NELL2: variants seen among roughly 807,000 people sequenced by gnomAD.
The protein encoded by NELL2 is neural EGFL like 2.
Under a neutral mutation model 109.6 loss-of-function variants are expected in NELL2, and 41 were observed. The ratio of observed to expected loss-of-function variants is 0.37; its 90% CI spans 0.29 to 0.49. The LOEUF is 0.49. Ranked by LOEUF, NELL2 falls within the 20% of genes least tolerant of loss-of-function variation. The pLI is 0.98. For synonymous variants in NELL2, 355 were observed against 344.7 expected (o/e 1.03, Z -0.33); for missense variants, 900 against 1,008.3 (o/e 0.89, Z 1.45).
At chr12:44,691,896 G>C (rs1039620698) in intron 12 of NELL2, among the ~76,000 whole-genome samples, 2 of 152,116 alleles carry the variant, frequency 1.3e-5, no homozygotes, top group Admixed American at 1.3e-4. Context: ...GGCTCATTAT[G>C]TTTAAGGAAA....
At chr12:44,815,793 AT>A (rs1943325606) in intron 3 of NELL2, 192 bp downstream of exon 3, 1 of 496,862 alleles carries the variant, frequency 2.0e-6, no homozygotes, top group African/African-American at 2.0e-5. Flanking sequence ...TAATTTTTGT[AT>A]TTTTAGAAGA....
Position 44,711,406 on chromosome 12 carries a change from CA to C in NELL2, c.1087-13del, listed in dbSNP as rs1440064592. 5.0e-6 allele frequency: 8 copies of C among 1,604,218 alleles called. No individual in the cohort carries two copies. Among genetic ancestry groups the C allele is most frequent in the Non-Finnish European group, 6.8e-6 (8 of 1,171,830 alleles). Reference sequence around the variant, plus strand: ...TTCATGGTCTGGTCCTGTTAGACAACAGAAAAGAAGTGCTTCAAATTTTATC... The same window carrying C: ...TTCATGGTCTGGTCCTGTTAGACAACGAAAAGAAGTGCTTCAAATTTTATC... On this transcript the variant is annotated splice_polypyrimidine_tract_variant and intron_variant, in intron 10 of 19. Transcript: ENST00000429094.
intron 13 of NELL2, among the ~76,000 whole-genome samples, chr12:44,639,545 T>G (rs963524489): frequency 6.6e-6 from 1 of 151,890 alleles, no homozygotes; most frequent in African/African-American, 2.4e-5. Flanking sequence ...TACTCAGCAG[T>G]TCAATCTAGA....
chr12:44,535,622 T>C (rs1183920279), intron 15 of NELL2, among the ~76,000 whole-genome samples: 4 of 151,984 alleles, frequency 2.6e-5, no homozygotes, highest in Non-Finnish European at 5.9e-5. Context: ...ATATGGTATG[T>C]AGGTGATAAT....
intron 3 of NELL2, among the ~76,000 whole-genome samples, chr12:44,812,256 AGT>A (rs1339179333): frequency 6.6e-6 from 1 of 152,160 alleles, no homozygotes; most frequent in Non-Finnish European, 1.5e-5. Flanking sequence ...TTACCAAGAA[AGT>A]GTCTCCAAAG....
At chr12:44,581,415 T>C (rs1234016155) in intron 15 of NELL2, among the ~76,000 whole-genome samples, 8 of 152,172 alleles carry the variant, frequency 5.3e-5, no homozygotes, top group African/African-American at 1.7e-4. Flanking sequence ...CTGTTAAAGA[T>C]CTTATTACAA....
At chr12:44,543,561 T>C (rs1592094544) in intron 15 of NELL2, among the ~76,000 whole-genome samples, 1 of 152,204 alleles carries the variant, frequency 6.6e-6, no homozygotes, top group African/African-American at 2.4e-5. Flanking sequence ...AGGGAATATA[T>C]GCTGTTATCA....
intron 2 of NELL2, among the ~76,000 whole-genome samples, chr12:44,873,211 C>A (rs1222508673): frequency 2.0e-5 from 3 of 152,146 alleles, no homozygotes; most frequent in Non-Finnish European, 2.9e-5. Context: ...CTTCAAATCT[C>A]ATAAACCATA....
At chr12:44,719,629 T>C (rs1280281072) in intron 9 of NELL2, among the ~76,000 whole-genome samples, 1 of 152,160 alleles carries the variant, frequency 6.6e-6, no homozygotes, top group Non-Finnish European at 1.5e-5. Context: ...TCATGGGACT[T>C]ACAGTTTCTT....
chr12:44,899,599 A>G (rs1323989309), intron 1 of NELL2, among the ~76,000 whole-genome samples: 1 of 152,220 alleles, frequency 6.6e-6, no homozygotes, highest in Non-Finnish European at 1.5e-5. Context: ...GCCTTACAAG[A>G]GCTTCTGAAG....
At chr12:44,794,087 C>T (rs954183928) in intron 3 of NELL2, among the ~76,000 whole-genome samples, 7 of 152,156 alleles carry the variant, frequency 4.6e-5, no homozygotes, top group Admixed American at 2.0e-4. Context: ...TACCAAGGCT[C>T]GGCACAGCAG....
At chr12:44,529,760 G>A in intron 16 of NELL2, among the ~76,000 whole-genome samples, 1 of 152,176 alleles carries the variant, frequency 6.6e-6, no homozygotes, top group East Asian at 1.9e-4. Flanking sequence ...GAAATTGTTA[G>A]TAATCTTGAA....
intron 9 of NELL2, among the ~76,000 whole-genome samples, chr12:44,719,450 T>G (rs553453093): frequency 1.3e-5 from 2 of 152,306 alleles, no homozygotes; most frequent in East Asian, 3.9e-4. Flanking sequence ...ATTTCACTTT[T>G]AAACATTTCC....
At chr12:44,632,270 G>A (rs954452122) in intron 13 of NELL2, among the ~76,000 whole-genome samples, 3 of 152,088 alleles carry the variant, frequency 2.0e-5, no homozygotes, top group Non-Finnish European at 2.9e-5. Context: ...CAAGTCAGGT[G>A]TCTAATCTCA....
rs183611901 is a variant in NELL2 at position 44,690,857 on chromosome 12, C to T, written c.1318+12869G>A. On this transcript the variant is annotated intron_variant, in intron 12 of 19. Coordinates refer to ENST00000429094, the MANE Select transcript of NELL2 (RefSeq NM_001145108.2). Reference sequence around the variant, plus strand: ...TAGAAGCCAATCAAAAATCAAATTCCCAAGAAGAACCTATAGATCCACCTC... The same window carrying T: ...TAGAAGCCAATCAAAAATCAAATTCTCAAGAAGAACCTATAGATCCACCTC... 6.7e-4 allele frequency among the ~76,000 whole-genome samples: 102 copies of T among 152,170 alleles called. 1 individual carries two copies. The highest frequency in any genetic ancestry group is 1.3e-3 in the Non-Finnish European group (88 of 68,004).
At chr12:44,741,857 T>G (rs568822168) in intron 9 of NELL2, among the ~76,000 whole-genome samples, 1 of 152,246 alleles carries the variant, frequency 6.6e-6, no homozygotes, top group African/African-American at 2.4e-5. Context: ...GAGGCCAGTC[T>G]GCCTCTGTAG....
At chr12:44,839,846 G>T (rs1944168885) in intron 2 of NELL2, among the ~76,000 whole-genome samples, 1 of 152,166 alleles carries the variant, frequency 6.6e-6, no homozygotes, top group African/African-American at 2.4e-5. Context: ...TATCAGTTGG[G>T]CTTAGTTACA....
intron 15 of NELL2, among the ~76,000 whole-genome samples, chr12:44,576,608 T>C (rs138603948): frequency 0.011 from 1,632 of 152,166 alleles, 9 homozygotes; most frequent in Middle Eastern, 0.02. Flanking sequence ...TGCAGGTTAG[T>C]TACATATGTA....
intron 15 of NELL2, among the ~76,000 whole-genome samples, chr12:44,539,063 T>C (rs184974693): frequency 6.6e-6 from 1 of 152,294 alleles, no homozygotes; most frequent in East Asian, 1.9e-4. Context: ...CTCCAGAGAC[T>C]ATATTTGATC....
Sources: gnomAD v4.1 joint callset for allele counts (sites outside exome capture counted in the v4.1 genomes callset) on GRCh38, gnomAD v4.1.1 for gene constraint, MANE v1.5 for transcripts, NCBI Gene and HGNC (gene_info 2026-07-23, HGNC 2026-07-21) for gene names.